AANAT: variants seen among roughly 807,000 people sequenced by gnomAD.
AANAT encodes aralkylamine N-acetyltransferase, also known as serotonin N-acetyltransferase.
In AANAT, 11 loss-of-function variants were observed where a neutral mutation model predicts 15.6. That is an observed-to-expected ratio of 0.71 (90% CI 0.44 to 1.17). The LOEUF is 1.17. AANAT is among the 50% of genes most tolerant of loss of function. AANAT has a pLI of 0.00. For missense variants in AANAT, 286 were observed against 296.3 expected, an observed-to-expected ratio of 0.97 and a Z score of 0.26; for synonymous variants, 139 against 131.5, an observed-to-expected ratio of 1.06 and a Z score of -0.39.
chr17:76,459,544 C>T (rs192766790), intron 2 of AANAT, among the ~76,000 whole-genome samples: 1 of 152,316 alleles, frequency 6.6e-6, no homozygotes, highest in East Asian at 1.9e-4. Context: ...CCTTTTCACA[C>T]CCTTCCTGTC....
intron 1 of AANAT, among the ~76,000 whole-genome samples, chr17:76,455,086 C>A (rs143126252): frequency 1.2e-4 from 18 of 152,138 alleles, no homozygotes; most frequent in Admixed American, 1.0e-3. Flanking sequence ...TAGATCGCGC[C>A]GCTGCACTCC....
At chr17:76,459,416 G>A (rs768907348) in intron 2 of AANAT, 3 of 152,266 alleles carry the variant, frequency 2.0e-5, no homozygotes, top group Admixed American at 6.5e-5. Context: ...TTCTCCCAGA[G>A]TTCTCATCCT....
intron 1 of AANAT, 110 bp from the exon 2 acceptor site, chr17:76,468,562 G>C: frequency 1.1e-6 from 1 of 944,528 alleles, no homozygotes; most frequent in South Asian, 1.8e-5. Context: ...CATTGATTTA[G>C]GGGCTGTCTC....
At chr17:76,459,901 C>T (rs1270345778) in intron 2 of AANAT, among the ~76,000 whole-genome samples, 1 of 152,228 alleles carries the variant, frequency 6.6e-6, no homozygotes, top group Non-Finnish European at 1.5e-5. Context: ...AGGCCCCTCA[C>T]CAGGCCCCAG....
upstream of AANAT, chr17:76,465,954 A>G: frequency 1.8e-6 from 1 of 553,412 alleles, no homozygotes; most frequent in Non-Finnish European, 3.3e-6. Flanking sequence ...GGCTCAAGCC[A>G]TCCTCCCGTC....
rs1177399049 is a variant in AANAT at position 76,468,752 on chromosome 17, C to T, written c.6C>T (p.Ser2=). 6.2e-7 allele frequency: 1 copy of T among 1,611,518 alleles called. No homozygotes were observed. Among genetic ancestry groups the T allele is most frequent in the Admixed American group, 1.7e-5 (1 of 59,788 alleles). ...AGGAGGCACCAGTGGCCAGAATGTC[C>T]ACGCAGAGCACCCACCCCCTGAAAC... M[S]TQSTHPLKPE... is the part of the protein sequence containing the mutation. The change falls in exon 2 of 4, where the codon TCC becomes TCT. Residue 2 remains serine (S), a synonymous_variant. Transcript: ENST00000392492.
intron 1 of AANAT, 110 bp from the exon 2 acceptor site, chr17:76,468,562 G>A (rs1285145234): frequency 3.2e-6 from 3 of 944,410 alleles, no homozygotes; most frequent in Non-Finnish European, 4.6e-6. Flanking sequence ...CATTGATTTA[G>A]GGGCTGTCTC....
chr17:76,455,095 C>A (rs1457543791), intron 1 of AANAT, among the ~76,000 whole-genome samples: 1 of 152,070 alleles, frequency 6.6e-6, no homozygotes, highest in East Asian at 1.9e-4. Context: ...CCGCTGCACT[C>A]CAGCCTGGGC....
intron 1 of AANAT, among the ~76,000 whole-genome samples, chr17:76,454,321 G>GGAA (rs1309138805): frequency 2.6e-5 from 3 of 115,464 alleles, no homozygotes; most frequent in Non-Finnish European, 5.6e-5. Flanking sequence ...CTAAAAATAC[G>GGAA]GAAAAAAAAA....
At chr17:76,454,779 T>C (rs1476478119) in intron 1 of AANAT, among the ~76,000 whole-genome samples, 1 of 150,828 alleles carries the variant, frequency 6.6e-6, no homozygotes. Context: ...GCCGAGATCA[T>C]GCCACTACAC....
Position 76,469,129 on chromosome 17 carries a change from AG to A in AANAT, c.164-42del. The A allele has an allele frequency of 1.2e-6, 2 of 1,610,518 alleles. No individual in the cohort carries two copies. Among genetic ancestry groups the A allele is most frequent in the South Asian group, 2.2e-5 (2 of 90,798 alleles). ...CGGGGTGCAGCAGACAGTGGACGCG[AG>A]GCACAGCGACTACCAGTCACCCACC... On this transcript the variant is annotated intron_variant, in intron 2 of 3. Coordinates refer to ENST00000392492, the MANE Select transcript of AANAT (RefSeq NM_001088.3). The surrounding 1 kb of genome is among the most constrained non-coding windows in gnomAD (Gnocchi z 5.2).
At chr17:76,459,942 A>G (rs1008306125) in intron 2 of AANAT, among the ~76,000 whole-genome samples, 1 of 152,092 alleles carries the variant, frequency 6.6e-6, no homozygotes, top group Non-Finnish European at 1.5e-5. Context: ...CCTTGTTCCC[A>G]GGGTGACTGA....
At chr17:76,465,225 A>G (rs2073426512), upstream of AANAT, among the ~76,000 whole-genome samples, 1 of 152,104 alleles carries the variant, frequency 6.6e-6, no homozygotes, top group Non-Finnish European at 1.5e-5. Flanking sequence ...AGGCGTTGCC[A>G]GCACTCTTAA....
At position 76,469,423 on chromosome 17, in the gene AANAT, T is replaced by G. The variant is rs1363649204; in HGVS notation, c.318+96T>G. 23 of 1,531,244 alleles carry G rather than the reference T, an allele frequency of 1.5e-5. No homozygotes were observed. The highest frequency in any genetic ancestry group is 1.9e-5 in the Non-Finnish European group (21 of 1,128,576). The allele number at this position is 1,531,244 out of a possible 1,614,324, so 94.9% of individuals were successfully genotyped here. ...GGGGAGCCCAGGGGCTGGGATTTCTTCCTCCAGAACTGGAGAGATGAGTAC... is the reference window on the plus strand; with the variant it reads ...GGGGAGCCCAGGGGCTGGGATTTCTGCCTCCAGAACTGGAGAGATGAGTAC... On this transcript the variant is annotated intron_variant, in intron 3 of 3. Coordinates refer to ENST00000392492, the MANE Select transcript of AANAT (RefSeq NM_001088.3). This position sits in a 1 kb window ranked among gnomAD's most constrained non-coding sequence, Gnocchi z 5.2.
intron 1 of AANAT, among the ~76,000 whole-genome samples, chr17:76,456,433 G>A (rs562596446): frequency 7.4e-6 from 1 of 134,262 alleles, no homozygotes; most frequent in East Asian, 2.6e-4. Flanking sequence ...GTAATATTGG[G>A]ATCAGGGTGG....
intron 1 of AANAT, among the ~76,000 whole-genome samples, chr17:76,456,868 C>T (rs1171999930): frequency 6.6e-6 from 1 of 152,102 alleles, no homozygotes; most frequent in Non-Finnish European, 1.5e-5. Context: ...AAATAGGGCC[C>T]AAGGAATTTG....
At position 76,469,790 on chromosome 17, in the gene AANAT, C is replaced by T; in HGVS notation, c.444C>T (p.Gly148=). 1 of 1,595,382 alleles carries T rather than the reference C, an allele frequency of 6.3e-7. No homozygotes were observed. The highest frequency in any genetic ancestry group is 8.5e-7 in the Non-Finnish European group (1 of 1,172,108). ...ILLWRYLHHL[G]SQPAVRRAAL... Reference sequence around the variant, plus strand: ...TGTGGCGCTACCTGCACCACCTGGGCAGCCAGCCGGCCGTGCGCCGGGCCG... The same window carrying T: ...TGTGGCGCTACCTGCACCACCTGGGTAGCCAGCCGGCCGTGCGCCGGGCCG... Residue 148 remains glycine (G), a synonymous_variant, in exon 4 of 4, where the codon GGC becomes GGT. Transcript: ENST00000392492. This position sits in a 1 kb window ranked among gnomAD's most constrained non-coding sequence, Gnocchi z 5.2.
chr17:76,457,946 G>C (rs1051430947), intron 1 of AANAT, among the ~76,000 whole-genome samples: 1 of 152,250 alleles, frequency 6.6e-6, no homozygotes, highest in African/African-American at 2.4e-5. Flanking sequence ...TGAGGCTGGA[G>C]AATCACTTGA....
exon 1 of AANAT, chr17:76,453,601 C>A: frequency 6.4e-6 from 1 of 156,394 alleles, no homozygotes; most frequent in Non-Finnish European, 1.4e-5. Flanking sequence ...TGTTTCCAGT[C>A]TAGTTGGGGA....
Sources: allele counts gnomAD v4.1 joint callset (sites outside exome capture counted in the v4.1 genomes callset), GRCh38; gene constraint gnomAD v4.1.1; non-coding constraint Gnocchi (gnomAD v3.1); transcripts MANE v1.5; gene names NCBI Gene and HGNC (gene_info 2026-07-23, HGNC 2026-07-21).